SLC4A10: variants seen among roughly 807,000 people sequenced by gnomAD.
SLC4A10 encodes the protein solute carrier family 4 member 10.
Under a neutral mutation model 137.7 loss-of-function variants are expected in SLC4A10, and 42 were observed. The observed-to-expected ratio is 0.30, with a 90% CI of 0.24 to 0.39. The LOEUF (loss-of-function observed/expected upper bound fraction) is 0.39. Ranked by LOEUF, SLC4A10 falls within the 10% of genes least tolerant of loss-of-function variation. The pLI is 1.00. For synonymous variants in SLC4A10, 474 were observed against 464.1 expected (o/e 1.02, Z -0.27); for missense variants, 925 against 1,355.0 (o/e 0.68, Z 4.98).
chr2:161,838,974 G>T (rs185613133), intron 3 of SLC4A10, among the ~76,000 whole-genome samples: 1 of 152,260 alleles, frequency 6.6e-6, no homozygotes, highest in East Asian at 1.9e-4. Flanking sequence ...TTACCCTAGA[G>T]AAATAAAATT....
intron 10 of SLC4A10, among the ~76,000 whole-genome samples, chr2:161,882,893 T>A (rs2061914226): frequency 6.6e-6 from 1 of 152,130 alleles, no homozygotes; most frequent in African/African-American, 2.4e-5. Context: ...ATTTTTAACC[T>A]GGGAGTCTGG....
chr2:161,877,458 G>C (rs2061507273), intron 8 of SLC4A10, among the ~76,000 whole-genome samples: 1 of 151,912 alleles, frequency 6.6e-6, no homozygotes, highest in African/African-American at 2.4e-5. Flanking sequence ...TAGTATATGG[G>C]AAATCTTCTA....
At chr2:161,651,667 C>T (rs1354937436) in intron 1 of SLC4A10, among the ~76,000 whole-genome samples, 1 of 152,244 alleles carries the variant, frequency 6.6e-6, no homozygotes, top group African/African-American at 2.4e-5. Context: ...ACAAGTGGTA[C>T]ATCTGGTCCT....
chr2:161,766,621 C>T lies in SLC4A10; in HGVS notation c.49-4352C>T, dbSNP rs968286194. 2.6e-5 allele frequency among the ~76,000 whole-genome samples: 4 copies of T among 152,052 alleles called. No homozygotes were observed. In the South Asian group the frequency reaches 6.2e-4, roughly 24 times the overall value. On this transcript the variant is annotated intron_variant, in intron 1 of 26. Transcript: ENST00000446997. ...TCATTCTAATGTGACATATATTTGA[C>T]TATGTCTTGCAAAAATAATAAATTT... is the stretch of plus-strand genomic sequence containing the variant.
intron 15 of SLC4A10, among the ~76,000 whole-genome samples, chr2:161,936,166 G>A (rs1691548060): frequency 6.6e-6 from 1 of 152,102 alleles, no homozygotes; most frequent in Non-Finnish European, 1.5e-5. Context: ...TTCTTTTACT[G>A]TGTTGTTGCA....
At chr2:161,946,218 A>G (rs1476174381) in intron 16 of SLC4A10, among the ~76,000 whole-genome samples, 1 of 152,020 alleles carries the variant, frequency 6.6e-6, no homozygotes, top group East Asian at 1.9e-4. Flanking sequence ...CCTATCAAGG[A>G]AGATGTTTGC....
chr2:161,925,950 C>G (rs1688987686), intron 15 of SLC4A10, among the ~76,000 whole-genome samples: 1 of 152,050 alleles, frequency 6.6e-6, no homozygotes, highest in Non-Finnish European at 1.5e-5. Flanking sequence ...TTTACATTTG[C>G]TGAGAAGAGC....
chr2:161,628,005 C>T (rs1383802709), intron 1 of SLC4A10, among the ~76,000 whole-genome samples: 2 of 151,936 alleles, frequency 1.3e-5, no homozygotes, highest in African/African-American at 4.8e-5. Context: ...TTGTTATAAC[C>T]TTTTTGATAT....
chr2:161,757,691 T>C (rs1218667061), intron 1 of SLC4A10, among the ~76,000 whole-genome samples: 2 of 152,154 alleles, frequency 1.3e-5, no homozygotes, highest in African/African-American at 4.8e-5. Context: ...CTCTACTGCC[T>C]CTTATAAATC....
intron 15 of SLC4A10, among the ~76,000 whole-genome samples, chr2:161,934,261 T>C (rs1691160688): frequency 1.3e-5 from 2 of 152,196 alleles, no homozygotes; most frequent in South Asian, 4.1e-4. Context: ...TCTTATTCAT[T>C]CTACCTAACT....
chr2:161,872,393 T>C lies in SLC4A10; in HGVS notation c.858+9T>C. ...CTGTTGACTTTAGCAAGGTGAGCTT[T>C]TCTCCCTCTCATCTAAGTAAGTTGC... On this transcript the variant is annotated intron_variant, in intron 7 of 26. Coordinates refer to ENST00000446997, the MANE Select transcript of SLC4A10 (RefSeq NM_001178015.2). 1.2e-6 allele frequency: 2 copies of C among 1,608,498 alleles called. No individual in the cohort carries two copies. The highest frequency in any genetic ancestry group is 1.7e-6 in the Non-Finnish European group (2 of 1,175,354).
At chr2:161,919,084 C>T (rs924165986) in intron 15 of SLC4A10, among the ~76,000 whole-genome samples, 12 of 152,210 alleles carry the variant, frequency 7.9e-5, no homozygotes, top group Non-Finnish European at 1.0e-4. Context: ...GTGGCCAAGC[C>T]TGGGTGCTCT....
intron 15 of SLC4A10, among the ~76,000 whole-genome samples, chr2:161,939,207 C>T (rs781020082): frequency 6.6e-5 from 10 of 152,008 alleles, no homozygotes; most frequent in Non-Finnish European, 1.0e-4. Context: ...CTCCTCAGTA[C>T]CTGGGAGTAC....
intron 6 of SLC4A10, among the ~76,000 whole-genome samples, chr2:161,871,260 A>G (rs1269842586): frequency 3.3e-5 from 5 of 151,928 alleles, no homozygotes; most frequent in Admixed American, 6.6e-5. Flanking sequence ...GGATTTAGGT[A>G]GGTAGAGAGA....
intron 12 of SLC4A10, among the ~76,000 whole-genome samples, chr2:161,901,373 T>C (rs1013052325): frequency 2.6e-5 from 4 of 152,190 alleles, no homozygotes; most frequent in African/African-American, 7.2e-5. Context: ...CTCAGTCTTG[T>C]AGGCCCTATC....
At chr2:161,635,197 T>C (rs1216169223) in intron 1 of SLC4A10, among the ~76,000 whole-genome samples, 1 of 151,936 alleles carries the variant, frequency 6.6e-6, no homozygotes, top group Non-Finnish European at 1.5e-5. Context: ...AAAAAAGAAA[T>C]TAGAATGAGC....
intron 15 of SLC4A10, among the ~76,000 whole-genome samples, chr2:161,908,551 C>A (rs375295080): frequency 1.3e-5 from 2 of 149,190 alleles, no homozygotes; most frequent in African/African-American, 5.0e-5. Context: ...CAAACCTGCA[C>A]GTTGTGCACA....
intron 1 of SLC4A10, among the ~76,000 whole-genome samples, chr2:161,765,838 A>G (rs2050747282): frequency 6.6e-6 from 1 of 152,100 alleles, no homozygotes; most frequent in Admixed American, 6.6e-5. Flanking sequence ...GTTTGGGGTA[A>G]CCAAAAGGCT....
chr2:161,909,485 G>A (rs1685304546), intron 15 of SLC4A10, among the ~76,000 whole-genome samples: 1 of 152,120 alleles, frequency 6.6e-6, no homozygotes. Flanking sequence ...CATCCTTATG[G>A]GCATGAGGTT....
Sources: allele counts gnomAD v4.1 joint callset (sites outside exome capture counted in the v4.1 genomes callset), GRCh38; gene constraint gnomAD v4.1.1; transcripts MANE v1.5; gene names NCBI Gene and HGNC (gene_info 2026-07-23, HGNC 2026-07-21).